SMAD4: variants seen among roughly 807,000 people sequenced by gnomAD.
SMAD4 encodes SMAD family member 4.
In SMAD4, 7 loss-of-function variants were observed where a neutral mutation model predicts 63.2. The ratio of observed to expected loss-of-function variants is 0.11; its 90% CI spans 0.06 to 0.21. The LOEUF (loss-of-function observed/expected upper bound fraction) is 0.21. SMAD4 is among the 10% of genes least tolerant of loss of function. The pLI, the probability that SMAD4 is intolerant of heterozygous loss-of-function variation, is 1.00. For missense variants in SMAD4, 312 were observed against 693.8 expected, an observed-to-expected ratio of 0.45 and a Z score of 6.18; for synonymous variants, 215 against 235.4, an observed-to-expected ratio of 0.91 and a Z score of 0.79.
chr18:51,045,086 A>G (rs1408458414), intron 1 of SMAD4: 1 of 152,248 alleles, frequency 6.6e-6, no homozygotes, highest in Non-Finnish European at 1.5e-5. Context: ...GCTCAAAACT[A>G]CAACAGTGGC....
rs1486036638 is a variant in SMAD4 at position 51,081,841 on chromosome 18, A to T, written c.*3374A>T. On this transcript the variant is annotated 3_prime_UTR_variant, in exon 12 of 12. Transcript: ENST00000342988. ...TGGTCATCTGGGGAAGGAAAATTTTACATTTTACTATTAATGCTCCTTAAG... is the reference window on the plus strand; with the variant it reads ...TGGTCATCTGGGGAAGGAAAATTTTTCATTTTACTATTAATGCTCCTTAAG... The T allele has an allele frequency of 8.6e-6, 2 of 232,312 alleles. No homozygotes were observed. Among genetic ancestry groups the T allele is most frequent in the Non-Finnish European group, 1.7e-5 (2 of 117,536 alleles). The allele number at this position is 232,312 out of a possible 1,614,324, so 14.4% of individuals were successfully genotyped here.
chr18:51,076,041 G>A (rs35764731), intron 10 of SMAD4, among the ~76,000 whole-genome samples: 49,282 of 151,946 alleles, frequency 0.32, 8,631 homozygotes, highest in East Asian at 0.41. Context: ...CCCATCGCAC[G>A]GATTAAGTAG....
intron 1 of SMAD4, among the ~76,000 whole-genome samples, chr18:51,042,467 G>A (rs574083718): frequency 6.6e-6 from 1 of 152,044 alleles, no homozygotes; most frequent in Admixed American, 6.6e-5. Flanking sequence ...TGCCTCCCAG[G>A]CTCAAGCCGT....
chr18:51,062,768 G>A (rs1910048578), intron 8 of SMAD4, among the ~76,000 whole-genome samples: 1 of 151,412 alleles, frequency 6.6e-6, no homozygotes, highest in South Asian at 2.1e-4. Flanking sequence ...CAAAATGCTG[G>A]GATTACAGGC....
chr18:51,055,243 T>G (rs913603098), intron 5 of SMAD4, among the ~76,000 whole-genome samples: 12 of 152,214 alleles, frequency 7.9e-5, no homozygotes, highest in Non-Finnish European at 1.8e-4. Flanking sequence ...GTAAGTAGCC[T>G]CTTAAGCTCC....
chr18:51,067,043 G>T lies in SMAD4; in HGVS notation c.1164G>T (p.Gln388His). 1 of 1,613,834 alleles carries T rather than the reference G, an allele frequency of 6.2e-7. No individual in the cohort carries two copies. The highest frequency in any genetic ancestry group is 1.1e-5 in the South Asian group (1 of 91,078). ...GGTTGCACATAGGCAAAGGTGTGCAGTTGGAATGTAAAGGTGAAGGTGATG... is the reference window on the plus strand; with the variant it reads ...GGTTGCACATAGGCAAAGGTGTGCATTTGGAATGTAAAGGTGAAGGTGATG... Reference protein sequence around the residue: ...RARLHIGKGVQLECKGEGDVW... With the variant: ...RARLHIGKGVHLECKGEGDVW... The change falls in exon 10 of 12, where the codon CAG becomes CAT. Residue 388 changes from glutamine (Q) to histidine (H), a missense_variant. Transcript: ENST00000342988.
intron 4 of SMAD4, chr18:51,053,710 TGTA>T (rs930364140): frequency 2.6e-5 from 4 of 152,152 alleles, no homozygotes; most frequent in African/African-American, 4.8e-5. Context: ...GATATTTACA[TGTA>T]GTAGATTTTT....
chr18:51,033,686 G>A (rs373132692), intron 1 of SMAD4, among the ~76,000 whole-genome samples: 10 of 152,154 alleles, frequency 6.6e-5, no homozygotes, highest in African/African-American at 2.4e-4. Flanking sequence ...GTCAGATTTA[G>A]AATTTTTGGA....
rs555375214 is a variant in SMAD4, at chr18:51,081,515, A to G, written c.*3048A>G. On this transcript the variant is annotated 3_prime_UTR_variant, in exon 12 of 12. Coordinates refer to ENST00000342988, the MANE Select transcript of SMAD4 (RefSeq NM_005359.6). ...AAACATGGCTGTTTTGTATTGCTGTAACCACTAAATAGGTTGCCTATACCA... is the reference window on the plus strand; with the variant it reads ...AAACATGGCTGTTTTGTATTGCTGTGACCACTAAATAGGTTGCCTATACCA... 1 of 231,794 alleles carries G rather than the reference A, an allele frequency of 4.3e-6. No homozygotes were observed. The highest frequency in any genetic ancestry group is 5.6e-5 in the Admixed American group (1 of 17,764). 14.4% of individuals were successfully genotyped at this position (231,794 alleles called of 1,614,324 possible).
At chr18:51,050,790 T>G (rs189135072) in intron 4 of SMAD4, among the ~76,000 whole-genome samples, 1 of 152,250 alleles carries the variant, frequency 6.6e-6, no homozygotes, top group Admixed American at 6.5e-5. Flanking sequence ...TAGGTGACCT[T>G]AACCAAAATT....
At chr18:51,070,323 C>G (rs1205903377) in intron 10 of SMAD4, among the ~76,000 whole-genome samples, 1 of 152,096 alleles carries the variant, frequency 6.6e-6, no homozygotes, top group Non-Finnish European at 1.5e-5. Context: ...CTTTGAAAAG[C>G]CCCCAAGGTG....
chr18:51,049,362 G>C lies in SMAD4; in HGVS notation c.454+38G>C, dbSNP rs201924714. 1.7e-4 allele frequency: 260 copies of C among 1,510,338 alleles called. No individual in the cohort carries two copies. The highest frequency in any genetic ancestry group is 5.3e-4 in the Middle Eastern group (3 of 5,668). 93.6% of individuals were successfully genotyped at this position (1,510,338 alleles called of 1,614,324 possible). A position where few individuals can be genotyped will look rare whatever the true frequency, so the allele number is the denominator to read the frequency against. On this transcript the variant is annotated intron_variant, in intron 4 of 11. Transcript: ENST00000342988. Reference sequence around the variant, plus strand: ...TTTCTTACTACTTTCTCTTTGTTTTGTCCTATCCTCTCTGTTTTTTTGTTG... The same window carrying C: ...TTTCTTACTACTTTCTCTTTGTTTTCTCCTATCCTCTCTGTTTTTTTGTTG...
At chr18:51,060,676 CA>C (rs1314657813) in intron 8 of SMAD4, among the ~76,000 whole-genome samples, 4 of 152,022 alleles carry the variant, frequency 2.6e-5, no homozygotes, top group Admixed American at 1.3e-4. Flanking sequence ...CTCTGTTGCC[CA>C]AACTGGAGTG....
rs2276163 is a variant in SMAD4, at chr18:51,049,019, T to C, written c.424+159T>C. On this transcript the variant is annotated intron_variant, in intron 3 of 11. Coordinates refer to ENST00000342988, the MANE Select transcript of SMAD4 (RefSeq NM_005359.6). ...TTTAATATACGTATTTAAATTTGAATTTAGGAACAAACTTATATTTTGACT... is the reference window on the plus strand; with the variant it reads ...TTTAATATACGTATTTAAATTTGAACTTAGGAACAAACTTATATTTTGACT... Among the ~76,000 whole-genome samples the C allele has an allele frequency of 0.39, 58,815 of 152,112 alleles. 11,435 individuals are homozygous for C. The highest frequency in any genetic ancestry group is 0.45 in the East Asian group (2,345 of 5,188).
At chr18:51,057,008 A>G (rs1446949587) in intron 5 of SMAD4, among the ~76,000 whole-genome samples, 3 of 152,182 alleles carry the variant, frequency 2.0e-5, no homozygotes, top group Non-Finnish European at 4.4e-5. Context: ...AATCTGGGGG[A>G]TGAGTAGGAA....
chr18:51,055,810 A>AT (rs1385002737), intron 5 of SMAD4, among the ~76,000 whole-genome samples: 1 of 151,884 alleles, frequency 6.6e-6, no homozygotes, highest in Non-Finnish European at 1.5e-5. Context: ...ATCAGAATAG[A>AT]TTTTTGACAG....
intron 10 of SMAD4, among the ~76,000 whole-genome samples, chr18:51,073,382 T>TACACAC (rs1910373871): frequency 1.1e-5 from 1 of 88,112 alleles, no homozygotes; most frequent in African/African-American, 4.2e-5. Flanking sequence ...TATATATATA[T>TACACAC]ATATATACAC....
At chr18:51,060,048 A>C in intron 8 of SMAD4, 132 bp downstream of exon 8, 1 of 730,540 alleles carries the variant, frequency 1.4e-6, no homozygotes, top group Admixed American at 2.0e-5. Context: ...GACATGAGTT[A>C]ATCAACAGTT....
At chr18:51,049,391 T>C in intron 4 of SMAD4, 67 bp downstream of exon 4, 1 of 1,191,510 alleles carries the variant, frequency 8.4e-7, no homozygotes, top group Non-Finnish European at 1.3e-6. Flanking sequence ...TTTGTTGACC[T>C]AGAATTAGTT....
Sources: gnomAD v4.1 joint callset for allele counts (sites outside exome capture counted in the v4.1 genomes callset) on GRCh38, gnomAD v4.1.1 for gene constraint, MANE v1.5 for transcripts, NCBI Gene and HGNC (gene_info 2026-07-23, HGNC 2026-07-21) for gene names.